Variants in AOX1 observed in about 807,000 individuals in gnomAD.
The protein encoded by AOX1 is aldehyde oxidase.
In AOX1, 153 loss-of-function variants were observed where a neutral mutation model predicts 169.5. That is an observed-to-expected ratio of 0.90 (90% CI 0.79 to 1.03). The LOEUF is 1.03. Ranked by LOEUF, AOX1 falls within the 50% of genes least tolerant of loss-of-function variation. The pLI, the probability that AOX1 is intolerant of heterozygous loss-of-function variation, is 0.00. For missense variants in AOX1, 1,656 were observed against 1,663.9 expected, an observed-to-expected ratio of 1.00 and a Z score of 0.08; for synonymous variants, 562 against 581.9, an observed-to-expected ratio of 0.97 and a Z score of 0.49.
intron 20 of AOX1, among the ~76,000 whole-genome samples, chr2:200,632,189 G>A (rs1294800548): frequency 6.6e-6 from 1 of 151,638 alleles, no homozygotes; most frequent in East Asian, 1.9e-4. Context: ...ACCTTCCTGT[G>A]GGTTGCCTGA....
chr2:200,660,746 G>C (rs1381871188), intron 29 of AOX1, among the ~76,000 whole-genome samples: 1 of 152,166 alleles, frequency 6.6e-6, no homozygotes, highest in Non-Finnish European at 1.5e-5. Flanking sequence ...ACAGGTCTGG[G>C]GGAAATAACA....
chr2:200,673,545 CCTGA>C (rs910125006), downstream of AOX1, among the ~76,000 whole-genome samples: 3 of 152,196 alleles, frequency 2.0e-5, no homozygotes, highest in African/African-American at 4.8e-5. Context: ...TCATTTCTCC[CCTGA>C]CTATTGCAAT....
chr2:200,630,290 A>C (rs1021747961), intron 20 of AOX1, among the ~76,000 whole-genome samples: 18 of 151,594 alleles, frequency 1.2e-4, no homozygotes, highest in Admixed American at 7.2e-4. Flanking sequence ...TGTGAGGCTG[A>C]AGCAGGCAGA....
At chr2:200,681,945 G>A (rs2036157592), downstream of AOX1, among the ~76,000 whole-genome samples, 1 of 151,106 alleles carries the variant, frequency 6.6e-6, no homozygotes, top group African/African-American at 2.4e-5. Context: ...TTTATTATTT[G>A]CTATGGTTGT....
In AOX1 at chr2:200,651,042, C is replaced by T; in HGVS notation, c.2916C>T (p.Asn972=). 6.2e-7 allele frequency: 1 copy of T among 1,614,174 alleles called. No homozygotes were observed. The highest frequency in any genetic ancestry group is 2.2e-5 in the East Asian group (1 of 44,894). Residue 972 remains asparagine (N), a synonymous_variant, in exon 26 of 35, where the codon AAC becomes AAT. Coordinates refer to ENST00000374700, the MANE Select transcript of AOX1 (RefSeq NM_001159.4). ...TPYKQEINAK[N]LIQCWRECMA... ...ACAAACAAGAGATCAATGCCAAGAA[C>T]CTAATCCAGTGTTGGAGAGAATGTA...
chr2:200,596,360 G>A (rs1299550272), intron 3 of AOX1, among the ~76,000 whole-genome samples: 1 of 152,202 alleles, frequency 6.6e-6, no homozygotes, highest in African/African-American at 2.4e-5. Flanking sequence ...TTAGCCTCTA[G>A]GGAGTGGCGA....
intron 28 of AOX1, 114 bp from the exon 29 acceptor site, chr2:200,659,881 A>C: frequency 3.7e-6 from 3 of 804,942 alleles, no homozygotes; most frequent in Non-Finnish European, 3.9e-6. Flanking sequence ...TTGGTGTCTT[A>C]TTTTTCCATG....
At chr2:200,680,307 C>T (rs878403), downstream of AOX1, among the ~76,000 whole-genome samples, 90,467 of 151,874 alleles carry the variant, frequency 0.6, 27,406 homozygotes, top group East Asian at 0.83. Context: ...ATATGTTGAG[C>T]ACCCCACACC....
intron 12 of AOX1, among the ~76,000 whole-genome samples, chr2:200,611,146 C>T (rs537528353): frequency 2.1e-4 from 32 of 152,262 alleles, no homozygotes; most frequent in African/African-American, 6.7e-4. Flanking sequence ...TGAACCACCA[C>T]GCCCAGTCGA....
chr2:200,618,892 G>A (rs1384540464), intron 16 of AOX1, among the ~76,000 whole-genome samples: 1 of 152,206 alleles, frequency 6.6e-6, no homozygotes, highest in Non-Finnish European at 1.5e-5. Flanking sequence ...TAATCGGGGG[G>A]ATCCAGACAG....
intron 34 of AOX1, among the ~76,000 whole-genome samples, chr2:200,670,399 C>G (rs1045321534): frequency 1.3e-5 from 2 of 152,156 alleles, no homozygotes; most frequent in African/African-American, 4.8e-5. Context: ...TCTGGAGAAA[C>G]AGAGACCCAC....
intron 29 of AOX1, among the ~76,000 whole-genome samples, chr2:200,660,502 G>GT (rs1441255830): frequency 1.3e-5 from 2 of 152,178 alleles, no homozygotes; most frequent in Non-Finnish European, 2.9e-5. Flanking sequence ...AACCAAGCCA[G>GT]TGGGTATATG....
rs777160401 is a variant in AOX1 at position 200,609,120 on chromosome 2, G to C, written c.1044G>C (p.Gln348His). Residue 348 changes from glutamine to histidine, a missense_variant, in exon 11 of 35, where the codon CAG (glutamine) becomes CAC (histidine). Gln to His is a conservative substitution (Grantham distance 24). Transcript: ENST00000374700. ...ATTTGGGAACTCTGGCTGGGTCCCA[G>C]ATCAGGAACATGGCTGTATGTATCT... ...LKHLGTLAGS[Q>H]IRNMASLGGH... is the part of the protein sequence containing the mutation. The C allele has an allele frequency of 6.2e-7, 1 of 1,613,910 alleles. No individual in the cohort carries two copies. The highest frequency in any genetic ancestry group is 8.5e-7 in the Non-Finnish European group (1 of 1,180,000).
downstream of AOX1, chr2:200,681,621 C>T (rs2036153339): frequency 6.6e-6 from 1 of 152,298 alleles, no homozygotes; most frequent in Non-Finnish European, 1.5e-5. Context: ...TTATGATTCA[C>T]ACCTCTTGAG....
At chr2:200,617,798 G>A (rs369562749) in intron 16 of AOX1, among the ~76,000 whole-genome samples, 2 of 152,120 alleles carry the variant, frequency 1.3e-5, no homozygotes, top group Admixed American at 6.6e-5. Flanking sequence ...TCACTCAAAT[G>A]TGGTTCAGGT....
intron 2 of AOX1, among the ~76,000 whole-genome samples, chr2:200,594,600 A>G (rs1392314031): frequency 6.6e-6 from 1 of 152,186 alleles, no homozygotes; most frequent in African/African-American, 2.4e-5. Context: ...ATGAGCAAAG[A>G]AAGAAGCACC....
chr2:200,667,529 T>G (rs1280532828), intron 32 of AOX1, among the ~76,000 whole-genome samples: 1 of 138,998 alleles, frequency 7.2e-6, no homozygotes, highest in Non-Finnish European at 1.5e-5. Context: ...CAAAGGAGGC[T>G]TAGGGAGGAA....
chr2:200,639,372 C>T (rs530179288), intron 23 of AOX1, among the ~76,000 whole-genome samples: 9 of 152,156 alleles, frequency 5.9e-5, no homozygotes, highest in Non-Finnish European at 8.8e-5. Context: ...ATGTCATTGG[C>T]GAGACCTCTG....
Position 200,613,799 on chromosome 2 carries a change from T to C in AOX1, c.1449-5T>C, listed in dbSNP as rs199794710. On this transcript the variant is annotated splice_polypyrimidine_tract_variant and splice_region_variant and intron_variant, in intron 14 of 34. Transcript: ENST00000374700. ...GGCTAGGAGTCTTCTCTTTGGACTT[T>C]CCAGGCACTGGAACGAACAGATGCT... 1.6e-5 allele frequency: 25 copies of C among 1,610,674 alleles called. No homozygotes were observed. In the East Asian group the frequency reaches 4.9e-4, roughly 32 times the overall value.
Sources: gnomAD v4.1 joint callset for allele counts (sites outside exome capture counted in the v4.1 genomes callset) on GRCh38, gnomAD v4.1.1 for gene constraint, MANE v1.5 for transcripts, NCBI Gene and HGNC (gene_info 2026-07-23, HGNC 2026-07-21) for gene names.